Variants in RIMS2 observed in about 807,000 individuals in gnomAD.
RIMS2 encodes regulating synaptic membrane exocytosis 2.
RIMS2 carries 59 observed loss-of-function variants against 174.4 expected under a neutral mutation model. The ratio of observed to expected loss-of-function variants is 0.34; its 90% CI spans 0.27 to 0.42. The LOEUF is 0.42. Among genes scored for constraint, RIMS2 ranks in the 10% least tolerant of loss-of-function variants. The pLI, the probability that RIMS2 is intolerant of heterozygous loss-of-function variation, is 1.00. For missense variants in RIMS2, 1,620 were observed against 1,666.3 expected, an observed-to-expected ratio of 0.97 and a Z score of 0.48; for synonymous variants, 606 against 572.5, an observed-to-expected ratio of 1.06 and a Z score of -0.84.
chr8:103,596,724 T>C (rs889038583), intron 1 of RIMS2, among the ~76,000 whole-genome samples: 4 of 151,998 alleles, frequency 2.6e-5, no homozygotes, highest in African/African-American at 7.2e-5. Flanking sequence ...AAAATTACAA[T>C]TTGACCTGAA....
At chr8:104,153,601 G>T (rs1214843046) in intron 19 of RIMS2, among the ~76,000 whole-genome samples, 1 of 152,116 alleles carries the variant, frequency 6.6e-6, no homozygotes, top group Non-Finnish European at 1.5e-5. Context: ...TCAGAGCCCA[G>T]TAGATCAAAG....
chr8:103,994,050 CAAAA>C (rs536495624), intron 17 of RIMS2, among the ~76,000 whole-genome samples: 6 of 88,308 alleles, frequency 6.8e-5, no homozygotes, highest in African/African-American at 4.4e-5. Flanking sequence ...GACCCTGTCT[CAAAA>C]AAAAAAAAAA....
intron 1 of RIMS2, among the ~76,000 whole-genome samples, chr8:103,613,733 G>A (rs1451309578): frequency 7.9e-5 from 12 of 152,080 alleles, no homozygotes; most frequent in Non-Finnish European, 1.6e-4. Flanking sequence ...CGGGACCAAG[G>A]GCTCCTTAAG....
intron 1 of RIMS2, among the ~76,000 whole-genome samples, chr8:103,590,002 A>G (rs1422536310): frequency 6.6e-6 from 1 of 151,276 alleles, no homozygotes; most frequent in Non-Finnish European, 1.5e-5. Context: ...AATAATGAAT[A>G]AGATCTACTA....
At chr8:103,713,009 T>C (rs1715489712) in intron 2 of RIMS2, among the ~76,000 whole-genome samples, 1 of 152,104 alleles carries the variant, frequency 6.6e-6, no homozygotes, top group African/African-American at 2.4e-5. Context: ...CCTTCCTTCC[T>C]TCTTTTCCTC....
intron 3 of RIMS2, among the ~76,000 whole-genome samples, chr8:103,804,700 T>G (rs1238159259): frequency 6.6e-6 from 1 of 152,204 alleles, no homozygotes; most frequent in Non-Finnish European, 1.5e-5. Flanking sequence ...TTGACTGTGG[T>G]ATTTACCTGC....
At chr8:103,788,209 G>C (rs1234191150) in intron 3 of RIMS2, among the ~76,000 whole-genome samples, 1 of 150,300 alleles carries the variant, frequency 6.7e-6, no homozygotes, top group African/African-American at 2.4e-5. Flanking sequence ...CTTTGCCTTT[G>C]GTTTGAATGT....
intron 19 of RIMS2, among the ~76,000 whole-genome samples, chr8:104,099,383 C>A (rs1419981696): frequency 1.3e-5 from 2 of 152,068 alleles, no homozygotes; most frequent in African/African-American, 4.8e-5. Context: ...TTGTTTTCTT[C>A]TTTATCACCA....
chr8:103,865,150 T>C (rs760003297), intron 3 of RIMS2, among the ~76,000 whole-genome samples: 2 of 151,758 alleles, frequency 1.3e-5, no homozygotes, highest in Non-Finnish European at 2.9e-5. Flanking sequence ...ATTATAATTT[T>C]ATTTATCATA....
chr8:103,693,222 G>T (rs2097054617), intron 1 of RIMS2, among the ~76,000 whole-genome samples: 1 of 152,190 alleles, frequency 6.6e-6, no homozygotes, highest in African/African-American at 2.4e-5. Context: ...TAAGTTCACA[G>T]ATTCTCTTCC....
chr8:104,199,252 CG>C (rs1284886050), intron 19 of RIMS2, among the ~76,000 whole-genome samples: 2 of 151,432 alleles, frequency 1.3e-5, no homozygotes. Context: ...TTAATAGAGA[CG>C]GGGTTTCACA....
At chr8:104,163,274 A>G (rs75621429) in intron 19 of RIMS2, among the ~76,000 whole-genome samples, 3,219 of 152,258 alleles carry the variant, frequency 0.021, 122 homozygotes, top group African/African-American at 0.073. Context: ...TCACTGCCAT[A>G]TAAACTTTTA....
chr8:103,695,358 T>G (rs2097087916), intron 1 of RIMS2, among the ~76,000 whole-genome samples: 1 of 152,214 alleles, frequency 6.6e-6, no homozygotes, highest in Non-Finnish European at 1.5e-5. Flanking sequence ...ATTTTTTTCA[T>G]AAAACCAGCA....
At chr8:103,939,965 T>C (rs1207709141) in intron 13 of RIMS2, among the ~76,000 whole-genome samples, 2 of 152,200 alleles carry the variant, frequency 1.3e-5, no homozygotes, top group African/African-American at 4.8e-5. Context: ...ATCAGCATTT[T>C]GGGCAAAGTC....
intron 3 of RIMS2, among the ~76,000 whole-genome samples, chr8:103,804,714 G>T (rs2098638299): frequency 6.6e-6 from 1 of 152,182 alleles, no homozygotes; most frequent in African/African-American, 2.4e-5. Context: ...TACCTGCAAA[G>T]GTGCTGTAGC....
chr8:103,885,651 A>G, exon 4 of RIMS2: 4 of 1,613,036 alleles, frequency 2.5e-6, no homozygotes, highest in Non-Finnish European at 3.4e-6. Context: ...CCCTATGAAG[A>G]ACAAATGCGG....
At chr8:103,533,409 G>A (rs1201402635) in intron 1 of RIMS2, among the ~76,000 whole-genome samples, 1 of 152,004 alleles carries the variant, frequency 6.6e-6, no homozygotes, top group Admixed American at 6.6e-5. Flanking sequence ...TTTATTTTAG[G>A]AGTTAGTATT....
At chr8:103,961,201 G>A (rs888464269) in intron 15 of RIMS2, 68 bp downstream of exon 17, 3 of 800,086 alleles carry the variant, frequency 3.7e-6, no homozygotes, top group Non-Finnish European at 6.5e-6. Flanking sequence ...TACCATAAAA[G>A]TAAATAAATA....
intron 19 of RIMS2, among the ~76,000 whole-genome samples, chr8:104,168,361 T>C (rs1234878703): frequency 6.6e-6 from 1 of 152,170 alleles, no homozygotes; most frequent in Non-Finnish European, 1.5e-5. Context: ...GTAGTTTTCC[T>C]TGTAGAGATC....
Sources: allele counts gnomAD v4.1 joint callset (sites outside exome capture counted in the v4.1 genomes callset), GRCh38; gene constraint gnomAD v4.1.1; transcripts MANE v1.5; gene names NCBI Gene and HGNC (gene_info 2026-07-23, HGNC 2026-07-21).